Variants in RALYL observed in about 807,000 individuals in gnomAD.
RALYL encodes the protein RNA-binding Raly-like protein.
Under a neutral mutation model 35.1 loss-of-function variants are expected in RALYL, and 29 were observed. The ratio of observed to expected loss-of-function variants is 0.83; its 90% CI spans 0.61 to 1.13. The LOEUF is 1.13. Among genes scored for constraint, RALYL ranks in the 50% most tolerant of loss-of-function variants. The probability of loss-of-function intolerance (pLI) is 0.00; values close to 1 mark genes in which losing one functional copy is unlikely to be tolerated. For missense variants in RALYL, 359 were observed against 360.4 expected (o/e 1.00, Z 0.03); for synonymous variants, 120 against 127.6 (o/e 0.94, Z 0.40).
chr8:84,496,715 A>G (rs1039251646), intron 1 of RALYL, among the ~76,000 whole-genome samples: 1 of 152,062 alleles, frequency 6.6e-6, no homozygotes, highest in African/African-American at 2.4e-5. Flanking sequence ...ATCATCAACT[A>G]TCTATCTATT....
chr8:84,821,623 C>T (rs1353552772), intron 4 of RALYL, among the ~76,000 whole-genome samples: 1 of 152,162 alleles, frequency 6.6e-6, no homozygotes, highest in African/African-American at 2.4e-5. Context: ...CCAGGAGTGA[C>T]TGATCTTTAT....
At chr8:84,585,905 C>T (rs1023374584) in intron 2 of RALYL, among the ~76,000 whole-genome samples, 5 of 151,900 alleles carry the variant, frequency 3.3e-5, no homozygotes, top group East Asian at 1.9e-4. Context: ...CCTTAAAAAA[C>T]GTGATGTTTG....
chr8:84,356,754 A>T (rs1467469244), intron 1 of RALYL, among the ~76,000 whole-genome samples: 2 of 150,400 alleles, frequency 1.3e-5, no homozygotes, highest in East Asian at 3.9e-4. Context: ...AAATTTACAG[A>T]TGTAATTTAC....
chr8:84,204,058 C>T (rs180774464), intron 1 of RALYL, among the ~76,000 whole-genome samples: 27 of 151,676 alleles, frequency 1.8e-4, no homozygotes, highest in African/African-American at 5.1e-4. Context: ...TTTTTAAGCC[C>T]GTGGCATTCT....
chr8:84,362,400 G>T (rs1168543307), intron 1 of RALYL, among the ~76,000 whole-genome samples: 1 of 152,090 alleles, frequency 6.6e-6, no homozygotes, highest in African/African-American at 2.4e-5. Flanking sequence ...CTCAGCATCT[G>T]ATGTGTCCCT....
intron 1 of RALYL, among the ~76,000 whole-genome samples, chr8:84,358,178 TG>T (rs1005042877): frequency 1.3e-4 from 20 of 152,034 alleles, no homozygotes; most frequent in Non-Finnish European, 2.4e-4. Context: ...TTTTATTCAT[TG>T]TTTTTTTCAT....
chr8:84,325,065 T>C (rs1349112993), intron 1 of RALYL, among the ~76,000 whole-genome samples: 2 of 152,166 alleles, frequency 1.3e-5, no homozygotes, highest in Non-Finnish European at 1.5e-5. Flanking sequence ...GTTGTACTAG[T>C]AGAAAAGAAG....
In RALYL at chr8:84,887,600, C is replaced by G. The variant is rs377737768; in HGVS notation, c.686-4C>G. 119 of 1,602,886 alleles carry G rather than the reference C, an allele frequency of 7.4e-5. No individual in the cohort carries two copies. The highest frequency in any genetic ancestry group is 3.2e-4 in the African/African-American group (24 of 74,518). On this transcript the variant is annotated splice_polypyrimidine_tract_variant and splice_region_variant and intron_variant, in intron 7 of 8. Coordinates refer to ENST00000521268, the MANE Select transcript of RALYL (RefSeq NM_173848.7). ...AGTAGTCATTTGCTTTCTCCCCCCC[C>G]CAGAAGCTCAGAAGAAGCAATTGGA...
chr8:84,777,052 A>G (rs1301082298), intron 3 of RALYL, among the ~76,000 whole-genome samples: 1 of 152,198 alleles, frequency 6.6e-6, no homozygotes, highest in African/African-American at 2.4e-5. Flanking sequence ...AATTACCTTA[A>G]TTTTATGTGG....
chr8:84,475,386 AT>A (rs1176600927), intron 1 of RALYL, among the ~76,000 whole-genome samples: 1 of 151,896 alleles, frequency 6.6e-6, no homozygotes, highest in African/African-American at 2.4e-5. Context: ...TGCCCAGTTA[AT>A]TTTTTGTAAT....
chr8:84,651,153 A>C (rs1328554816), intron 2 of RALYL, among the ~76,000 whole-genome samples: 2 of 152,026 alleles, frequency 1.3e-5, no homozygotes, highest in Non-Finnish European at 2.9e-5. Flanking sequence ...GCACACCAGC[A>C]TGGCACATGT....
At chr8:84,425,522 C>T (rs1004951759) in intron 1 of RALYL, among the ~76,000 whole-genome samples, 4 of 152,184 alleles carry the variant, frequency 2.6e-5, no homozygotes, top group Admixed American at 6.5e-5. Flanking sequence ...GCGTCGCTCA[C>T]GCTGGGAGCT....
intron 2 of RALYL, among the ~76,000 whole-genome samples, chr8:84,572,403 T>G (rs1476246128): frequency 6.6e-6 from 1 of 151,788 alleles, no homozygotes; most frequent in Non-Finnish European, 1.5e-5. Context: ...ATATTTGTGC[T>G]TACCTGTCCT....
chr8:84,305,250 A>G (rs1045933595), intron 1 of RALYL, among the ~76,000 whole-genome samples: 1 of 152,188 alleles, frequency 6.6e-6, no homozygotes, highest in African/African-American at 2.4e-5. Context: ...GCAATTTTTT[A>G]TTTAAAAATT....
At chr8:84,541,158 C>G (rs923069415) in intron 2 of RALYL, among the ~76,000 whole-genome samples, 2 of 151,280 alleles carry the variant, frequency 1.3e-5, no homozygotes, top group Non-Finnish European at 3.0e-5. Flanking sequence ...GTTTAATTTG[C>G]CACTCTTTTC....
intron 4 of RALYL, among the ~76,000 whole-genome samples, chr8:84,807,033 A>C (rs1237038197): frequency 6.6e-6 from 1 of 152,116 alleles, no homozygotes; most frequent in Non-Finnish European, 1.5e-5. Flanking sequence ...GCATGTATGT[A>C]GCTCTCTGCT....
At chr8:84,788,504 C>T (rs1820066700) in intron 3 of RALYL, among the ~76,000 whole-genome samples, 1 of 152,078 alleles carries the variant, frequency 6.6e-6, no homozygotes, top group Non-Finnish European at 1.5e-5. Flanking sequence ...ATACAAATGA[C>T]TCATGCAGGC....
intron 1 of RALYL, among the ~76,000 whole-genome samples, chr8:84,278,427 A>C (rs143092539): frequency 6.6e-6 from 1 of 152,310 alleles, no homozygotes; most frequent in Non-Finnish European, 1.5e-5. Flanking sequence ...GTCTGTGGAG[A>C]CATTTCCCCC....
intron 1 of RALYL, among the ~76,000 whole-genome samples, chr8:84,208,796 A>C (rs1818699355): frequency 6.6e-6 from 1 of 152,182 alleles, no homozygotes; most frequent in Admixed American, 6.5e-5. Flanking sequence ...TTTAAGTTTA[A>C]AAATTTGGGA....
Sources: gnomAD v4.1 joint callset for allele counts (sites outside exome capture counted in the v4.1 genomes callset) on GRCh38, gnomAD v4.1.1 for gene constraint, MANE v1.5 for transcripts, NCBI Gene and HGNC (gene_info 2026-07-23, HGNC 2026-07-21) for gene names.